The following RAD54B variants were observed in gnomAD, a reference collection of about 807,000 sequenced individuals.
RAD54B encodes DNA repair and recombination protein RAD54B.
A neutral mutation model predicts 95.8 loss-of-function variants in RAD54B; 78 were observed. The ratio of observed to expected loss-of-function variants is 0.81; its 90% CI spans 0.68 to 0.98. The LOEUF is 0.98. RAD54B is among the 50% of genes least tolerant of loss of function. RAD54B has a pLI of 0.00. For missense variants in RAD54B, 957 were observed against 1,056.6 expected, an observed-to-expected ratio of 0.91 and a Z score of 1.31; for synonymous variants, 328 against 354.9, an observed-to-expected ratio of 0.92 and a Z score of 0.85.
chr8:94,383,489 T>C (rs1310074406), intron 11 of RAD54B, among the ~76,000 whole-genome samples: 2 of 152,144 alleles, frequency 1.3e-5, no homozygotes, highest in Non-Finnish European at 2.9e-5. Context: ...TTCAAAAATA[T>C]TACACACAGT....
chr8:94,393,696 T>A, intron 9 of RAD54B, 47 bp downstream of exon 9: 1 of 1,475,954 alleles, frequency 6.8e-7, no homozygotes, highest in Non-Finnish European at 9.2e-7. Context: ...GATGATTTCC[T>A]CAGACATACG....
chr8:94,382,137 G>A (rs1276174113), intron 11 of RAD54B, among the ~76,000 whole-genome samples: 2 of 149,786 alleles, frequency 1.3e-5, no homozygotes, highest in African/African-American at 4.9e-5. Flanking sequence ...AAAAGAGAGC[G>A]AGAAAGGATA....
At chr8:94,421,940 C>CCTAGTAA (rs1811815842) in intron 3 of RAD54B, among the ~76,000 whole-genome samples, 5 of 152,170 alleles carry the variant, frequency 3.3e-5, no homozygotes, top group Admixed American at 2.0e-4. Context: ...TAAAGTATCC[C>CCTAGTAA]TCTTGCTTAA....
intron 3 of RAD54B, chr8:94,431,492 G>A (rs1021121901): frequency 4.2e-5 from 41 of 981,322 alleles, no homozygotes; most frequent in Middle Eastern, 5.2e-4. Context: ...TACTTCTATC[G>A]AATAGCGGGA....
At position 94,411,292 on chromosome 8, in the gene RAD54B, C is replaced by T; in HGVS notation, c.328G>A (p.Ala110Thr). ...TTCTCTTCTTGTTCCTTGGACACTG[C>T]TACTTCTTTAGGAGCCGAATGAACT... ...HTVHSAPKEV[A>T]VSKEQEEKSD... is the part of the protein sequence containing the mutation. Residue 110 changes from alanine (A) to threonine (T), a missense_variant, in exon 4 of 15, where the codon GCA becomes ACA. Physicochemically the swap from Ala to Thr is moderately conservative, Grantham distance 58. Transcript: ENST00000336148. 1 of 1,579,434 alleles carries T rather than the reference C, an allele frequency of 6.3e-7. No homozygotes were observed. The highest frequency in any genetic ancestry group is 8.5e-7 in the Non-Finnish European group (1 of 1,170,810).
intron 11 of RAD54B, among the ~76,000 whole-genome samples, chr8:94,386,527 A>G (rs1215056274): frequency 6.6e-6 from 1 of 152,202 alleles, no homozygotes; most frequent in East Asian, 1.9e-4. Context: ...CCAAGAAGAT[A>G]TAAAATATAT....
chr8:94,423,053 A>T (rs1162488269), intron 3 of RAD54B, among the ~76,000 whole-genome samples: 1 of 151,814 alleles, frequency 6.6e-6, no homozygotes, highest in Non-Finnish European at 1.5e-5. Flanking sequence ...CTCTGTCCTC[A>T]TTTCCATTAT....
chr8:94,444,855 C>A (rs1035767680), intron 3 of RAD54B, among the ~76,000 whole-genome samples: 1 of 152,164 alleles, frequency 6.6e-6, no homozygotes, highest in Non-Finnish European at 1.5e-5. Flanking sequence ...TCAGCAGTGT[C>A]TTTCTCAAGA....
At chr8:94,428,717 G>C (rs1376022980) in intron 3 of RAD54B, 4 of 971,878 alleles carry the variant, frequency 4.1e-6, no homozygotes, top group Non-Finnish European at 4.9e-6. Context: ...GAAACCTGCA[G>C]ATAGAAAGCC....
chr8:94,450,339 A>C (rs1165869739), intron 3 of RAD54B, among the ~76,000 whole-genome samples: 2 of 152,220 alleles, frequency 1.3e-5, no homozygotes, highest in African/African-American at 2.4e-5. Context: ...TTGAGACTGC[A>C]TGACAATCAA....
At chr8:94,418,758 C>A (rs1811732526) in intron 3 of RAD54B, among the ~76,000 whole-genome samples, 1 of 152,164 alleles carries the variant, frequency 6.6e-6, no homozygotes, top group African/African-American at 2.4e-5. Flanking sequence ...AGCATAATGT[C>A]TTTGGGATTC....
chr8:94,372,123 A>C lies in RAD54B; in HGVS notation c.*47T>G. ...TTCAAAAAGTACATTTAATTACCAT[A>C]CTAATTTTCAAAAGAAGAGCAATGG... On this transcript the variant is annotated 3_prime_UTR_variant, in exon 15 of 15. Transcript: ENST00000336148. 1 of 1,534,062 alleles carries C rather than the reference A, an allele frequency of 6.5e-7. No homozygotes were observed. The highest frequency in any genetic ancestry group is 1.3e-5 in the South Asian group (1 of 77,716).
At chr8:94,464,865 G>C (rs1478243891) in intron 2 of RAD54B, among the ~76,000 whole-genome samples, 3 of 152,114 alleles carry the variant, frequency 2.0e-5, no homozygotes, top group Non-Finnish European at 4.4e-5. Context: ...AGAAGGTAAA[G>C]GGGGAAACTG....
chr8:94,432,763 C>CCTG, intron 3 of RAD54B: 1 of 1,296,500 alleles, frequency 7.7e-7, no homozygotes. Context: ...AGCTTTAAAA[C>CCTG]TATAAAGTTA....
At chr8:94,472,500 C>T (rs1019256757) in intron 1 of RAD54B, among the ~76,000 whole-genome samples, 7 of 152,170 alleles carry the variant, frequency 4.6e-5, no homozygotes, top group African/African-American at 1.7e-4. Flanking sequence ...AATGAGCCTT[C>T]TTAAACTAAT....
chr8:94,403,580 G>A (rs1811311883), intron 6 of RAD54B, among the ~76,000 whole-genome samples: 1 of 151,646 alleles, frequency 6.6e-6, no homozygotes, highest in African/African-American at 2.4e-5. Flanking sequence ...AGGAGGCTGA[G>A]ATGCAAGAAT....
intron 3 of RAD54B, chr8:94,431,951 A>G (rs1266079174): frequency 7.7e-7 from 1 of 1,294,254 alleles, no homozygotes; most frequent in African/African-American, 1.5e-5. Flanking sequence ...AACCATGCCA[A>G]CCAACCAGTA....
chr8:94,427,520 T>G (rs1025518018), intron 3 of RAD54B, among the ~76,000 whole-genome samples: 2 of 152,028 alleles, frequency 1.3e-5, no homozygotes, highest in Non-Finnish European at 2.9e-5. Context: ...CCATCAAATA[T>G]TTGATTTTGA....
chr8:94,463,809 G>A (rs1812958437), intron 2 of RAD54B, among the ~76,000 whole-genome samples: 1 of 149,834 alleles, frequency 6.7e-6, no homozygotes, highest in Admixed American at 6.7e-5. Context: ...CAGCTACTTA[G>A]GAGATGGAGG....
Sources: gnomAD v4.1 joint callset for allele counts (sites outside exome capture counted in the v4.1 genomes callset) on GRCh38, gnomAD v4.1.1 for gene constraint, MANE v1.5 for transcripts, NCBI Gene and HGNC (gene_info 2026-07-23, HGNC 2026-07-21) for gene names.